PCDHA8: variants seen among roughly 807,000 people sequenced by gnomAD.
PCDHA8 encodes protocadherin alpha-8.
PCDHA8 carries 53 observed loss-of-function variants against 61.8 expected under a neutral mutation model. The ratio of observed to expected loss-of-function variants is 0.86; its 90% CI spans 0.69 to 1.08. The LOEUF (loss-of-function observed/expected upper bound fraction) is 1.08. PCDHA8 is among the 50% of genes least tolerant of loss of function. The pLI, the probability that PCDHA8 is intolerant of heterozygous loss-of-function variation, is 0.00. For missense variants in PCDHA8, 1,293 were observed against 1,245.0 expected, an observed-to-expected ratio of 1.04 and a Z score of -0.58; for synonymous variants, 618 against 556.6, an observed-to-expected ratio of 1.11 and a Z score of -1.55.
chr5:140,904,716 G>T, intron 1 of PCDHA8, among the ~76,000 whole-genome samples: 1 of 151,886 alleles, frequency 6.6e-6, no homozygotes. Context: ...ACCACATTCT[G>T]GCCAACATCT....
intron 1 of PCDHA8, among the ~76,000 whole-genome samples, chr5:140,937,187 G>A (rs1443565443): frequency 6.6e-6 from 1 of 151,764 alleles, no homozygotes; most frequent in Non-Finnish European, 1.5e-5. Context: ...ACAGGCGCCC[G>A]CCACCATGCC....
intron 1 of PCDHA8, chr5:140,882,915 A>T: frequency 6.2e-7 from 1 of 1,614,228 alleles, no homozygotes; most frequent in Non-Finnish European, 8.5e-7. Context: ...ACAGCCAGTG[A>T]TGGAGGTAAA....
rs2150333443 is a variant in PCDHA8, at chr5:140,842,284, C to T, written c.963C>T (p.Asp321=). The T allele has an allele frequency of 5.0e-6, 8 of 1,610,320 alleles. No individual in the cohort carries two copies. Among genetic ancestry groups the T allele is most frequent in the Admixed American group, 1.7e-5 (1 of 59,988 alleles). The change falls in exon 1 of 4, where the codon GAC becomes GAT. Residue 321 remains aspartate (D), a synonymous_variant. Coordinates refer to ENST00000531613, the MANE Select transcript of PCDHA8 (RefSeq NM_018911.3). ...AAAACTTATACAAAATCCTCATTGA[C>T]GCCACGGACAAAGGCCATCCTCCCA... The part of the protein sequence containing the change: ...EQENLYKILI[D]ATDKGHPPMA...
intron 3 of PCDHA8, among the ~76,000 whole-genome samples, chr5:140,999,654 C>T (rs180994815): frequency 1.3e-3 from 194 of 152,238 alleles, no homozygotes; most frequent in African/African-American, 4.4e-3. Context: ...AGCCTGAGCC[C>T]TGCTGGGTTG....
intron 1 of PCDHA8, among the ~76,000 whole-genome samples, chr5:140,893,868 AGATC>A (rs1369386852): frequency 1.3e-5 from 2 of 152,168 alleles, no homozygotes; most frequent in Non-Finnish European, 2.9e-5. Context: ...GAAACAACCC[AGATC>A]CAAAGTGGCC....
intron 1 of PCDHA8, chr5:140,875,423 G>T: frequency 6.6e-7 from 1 of 1,524,996 alleles, no homozygotes; most frequent in Non-Finnish European, 8.8e-7. Context: ...CCTCAGGCAA[G>T]CGATCCCTTA....
At chr5:140,973,089 T>G (rs534319830) in intron 1 of PCDHA8, among the ~76,000 whole-genome samples, 2 of 152,308 alleles carry the variant, frequency 1.3e-5, no homozygotes, top group East Asian at 3.9e-4. Flanking sequence ...TGGCACAACA[T>G]GTAGAAATTA....
intron 1 of PCDHA8, chr5:140,967,365 T>G: frequency 6.2e-7 from 1 of 1,607,630 alleles, no homozygotes; most frequent in Non-Finnish European, 8.5e-7. Flanking sequence ...CTTAAGCCCC[T>G]GCAGGAGAAC....
chr5:141,008,265 G>C (rs748504708), intron 3 of PCDHA8, among the ~76,000 whole-genome samples: 4 of 152,200 alleles, frequency 2.6e-5, no homozygotes, highest in Admixed American at 6.5e-5. Flanking sequence ...AGACTGAGAA[G>C]TAATAGGAAA....
chr5:140,993,617 C>A (rs1299213362), intron 3 of PCDHA8, among the ~76,000 whole-genome samples: 3 of 152,034 alleles, frequency 2.0e-5, no homozygotes, highest in Non-Finnish European at 4.4e-5. Context: ...TGTTGGGACC[C>A]TCTATATATA....
chr5:140,933,050 C>T (rs2088825990), intron 1 of PCDHA8, among the ~76,000 whole-genome samples: 1 of 152,018 alleles, frequency 6.6e-6, no homozygotes, highest in Admixed American at 6.5e-5. Context: ...GGATTACAGT[C>T]CAGGATCCTG....
chr5:140,929,201 T>C (rs146014873), intron 1 of PCDHA8: 3 of 1,614,168 alleles, frequency 1.9e-6, no homozygotes, highest in East Asian at 4.5e-5. Flanking sequence ...AACAGTTTGC[T>C]GTTGCGTGGG....
intron 1 of PCDHA8, among the ~76,000 whole-genome samples, chr5:140,932,861 G>A (rs1554209099): frequency 6.6e-6 from 1 of 151,858 alleles, no homozygotes; most frequent in Non-Finnish European, 1.5e-5. Flanking sequence ...ATGACTTATT[G>A]TCTTTTGTTG....
chr5:140,877,092 C>G (rs200462899), intron 1 of PCDHA8: 46 of 1,613,110 alleles, frequency 2.9e-5, no homozygotes, highest in African/African-American at 6.7e-5. Flanking sequence ...CGCGCGACGC[C>G]GGCGTGCCGC....
At chr5:140,851,088 A>G in intron 1 of PCDHA8, 2 of 1,298,258 alleles carry the variant, frequency 1.5e-6, no homozygotes, top group Non-Finnish European at 2.0e-6. Flanking sequence ...TGTATATTAA[A>G]TAGATATTTT....
intron 1 of PCDHA8, among the ~76,000 whole-genome samples, chr5:140,935,745 T>C (rs564797649): frequency 6.6e-6 from 1 of 152,324 alleles, no homozygotes; most frequent in South Asian, 2.1e-4. Flanking sequence ...TATTATTCCA[T>C]ACAATACACA....
chr5:140,896,854 C>T (rs1211925701), intron 1 of PCDHA8, among the ~76,000 whole-genome samples: 4 of 152,004 alleles, frequency 2.6e-5, no homozygotes, highest in Non-Finnish European at 5.9e-5. Context: ...TTTATGGGTA[C>T]ATAATAAGTG....
intron 1 of PCDHA8, chr5:140,871,720 TA>T: frequency 1.3e-6 from 1 of 767,368 alleles, no homozygotes; most frequent in Non-Finnish European, 2.0e-6. Flanking sequence ...CTATTTCTCT[TA>T]ATATTTGGTT....
intron 1 of PCDHA8, among the ~76,000 whole-genome samples, chr5:140,904,216 ATTG>A (rs2070958692): frequency 6.6e-6 from 1 of 151,842 alleles, no homozygotes; most frequent in East Asian, 1.9e-4. Flanking sequence ...CCCAAAGTCC[ATTG>A]TATTATACTT....
Sources: gnomAD v4.1 joint callset for allele counts (sites outside exome capture counted in the v4.1 genomes callset) on GRCh38, gnomAD v4.1.1 for gene constraint, MANE v1.5 for transcripts, NCBI Gene and HGNC (gene_info 2026-07-23, HGNC 2026-07-21) for gene names.